The following FTCDNL1 variants were observed in gnomAD, a reference collection of about 807,000 sequenced individuals.
FTCDNL1 encodes formiminotransferase cyclodeaminase N-terminal like.
Under a neutral mutation model 5.9 loss-of-function variants are expected in FTCDNL1, and 11 were observed. That is an observed-to-expected ratio of 1.87 (90% CI 1.18 to 3.10). The LOEUF (loss-of-function observed/expected upper bound fraction) is 3.10. FTCDNL1 is among the 30% of genes most tolerant of loss of function. FTCDNL1 has a pLI of 0.00. For missense variants in FTCDNL1, 115 were observed against 65.5 expected (o/e 1.76, Z -2.61); for synonymous variants, 58 against 24.8 (o/e 2.34, Z -3.99).
At chr2:199,683,950 T>TGTAG in the FTCDNL1 span, among the ~76,000 whole-genome samples, 1 of 152,230 alleles carries the variant, frequency 6.6e-6, no homozygotes, top group Non-Finnish European at 1.5e-5. Context: ...TGTTCTCTCT[T>TGTAG]GTAGGTGCCC....
chr2:199,776,972 G>C (rs1366073393), intron 3 of FTCDNL1, among the ~76,000 whole-genome samples: 24 of 148,132 alleles, frequency 1.6e-4, no homozygotes, highest in African/African-American at 5.8e-4. Flanking sequence ...GTGTGTGTGT[G>C]TGTGTGTGTG....
intron 3 of FTCDNL1, among the ~76,000 whole-genome samples, chr2:199,767,037 A>G (rs571318332): frequency 2.6e-5 from 4 of 152,358 alleles, no homozygotes; most frequent in Non-Finnish European, 5.9e-5. Flanking sequence ...AATAGGATTT[A>G]ATAATAAAAA....
At chr2:199,821,924 T>C (rs1018168321) in intron 3 of FTCDNL1, among the ~76,000 whole-genome samples, 10 of 152,244 alleles carry the variant, frequency 6.6e-5, no homozygotes, top group East Asian at 5.8e-4. Context: ...CTCAGAGATA[T>C]TGTGGATTTG....
chr2:199,720,035 T>G, the FTCDNL1 span, among the ~76,000 whole-genome samples: 4 of 152,174 alleles, frequency 2.6e-5, no homozygotes, highest in Non-Finnish European at 5.9e-5. Flanking sequence ...ATAAATGCAA[T>G]TGCCTTCTTG....
At chr2:199,713,363 T>G in the FTCDNL1 span, among the ~76,000 whole-genome samples, 1 of 152,082 alleles carries the variant, frequency 6.6e-6, no homozygotes, top group Non-Finnish European at 1.5e-5. Context: ...CAATGATCCT[T>G]GAGAAATTGG....
chr2:199,693,442 A>G, the FTCDNL1 span, among the ~76,000 whole-genome samples: 2 of 152,220 alleles, frequency 1.3e-5, no homozygotes, highest in Non-Finnish European at 2.9e-5. Context: ...AAGGTTTTTC[A>G]TACTCTTTTA....
At chr2:199,733,220 T>G in the FTCDNL1 span, among the ~76,000 whole-genome samples, 1 of 152,260 alleles carries the variant, frequency 6.6e-6, no homozygotes, top group Non-Finnish European at 1.5e-5. Context: ...AAGAGGCCAA[T>G]CAGCAGGAAA....
At chr2:199,678,965 T>C in the FTCDNL1 span, among the ~76,000 whole-genome samples, 2 of 152,150 alleles carry the variant, frequency 1.3e-5, no homozygotes, top group Non-Finnish European at 2.9e-5. Flanking sequence ...AAACAATACA[T>C]TATGTTTTAA....
intron 4 of FTCDNL1, 100 bp downstream of exon 4, chr2:199,819,472 C>T: frequency 3.1e-6 from 2 of 655,230 alleles, no homozygotes; most frequent in Non-Finnish European, 5.4e-6. Flanking sequence ...AGCAGCCACC[C>T]CTATAACTCT....
At chr2:199,681,890 A>G in the FTCDNL1 span, among the ~76,000 whole-genome samples, 2 of 141,472 alleles carry the variant, frequency 1.4e-5, no homozygotes, top group Admixed American at 7.5e-5. Flanking sequence ...AAGTCTAACT[A>G]TGGACTGCTC....
At chr2:199,719,474 T>G in the FTCDNL1 span, among the ~76,000 whole-genome samples, 1 of 152,208 alleles carries the variant, frequency 6.6e-6, no homozygotes, top group East Asian at 1.9e-4. Context: ...CCTTAAACTT[T>G]GTTCTTTTTG....
At chr2:199,696,832 T>G in the FTCDNL1 span, among the ~76,000 whole-genome samples, 6 of 152,142 alleles carry the variant, frequency 3.9e-5, no homozygotes, top group Admixed American at 3.9e-4. Flanking sequence ...AGATGTAGAA[T>G]TCAGAATCTG....
chr2:199,812,448 A>C lies in FTCDNL1; in HGVS notation c.*257T>G, dbSNP rs1362036092. ...AATGCTGAATTTGATTTTTTATGTT[A>C]ATTTAAACCTACTAAGAAGGTATTT... On this transcript the variant is annotated 3_prime_UTR_variant, in exon 5 of 5. Transcript: ENST00000420128. 2.5e-6 allele frequency: 1 copy of C among 398,732 alleles called. No individual in the cohort carries two copies. Among genetic ancestry groups the C allele is most frequent in the Non-Finnish European group, 4.4e-6 (1 of 226,956 alleles). 24.7% of individuals were successfully genotyped at this position (398,732 alleles called of 1,614,324 possible).
chr2:199,673,121 A>T, the FTCDNL1 span, among the ~76,000 whole-genome samples: 1 of 152,052 alleles, frequency 6.6e-6, no homozygotes, highest in Non-Finnish European at 1.5e-5. Flanking sequence ...TGAGGCCAGG[A>T]GTTTGAGATC....
chr2:199,775,861 G>A (rs1171223574), intron 3 of FTCDNL1, among the ~76,000 whole-genome samples: 1 of 150,732 alleles, frequency 6.6e-6, no homozygotes, highest in Non-Finnish European at 1.5e-5. Flanking sequence ...ATCATGTCTA[G>A]TTTATAAAGA....
chr2:199,664,091 A>G, the FTCDNL1 span, among the ~76,000 whole-genome samples: 1 of 152,180 alleles, frequency 6.6e-6, no homozygotes, highest in African/African-American at 2.4e-5. Flanking sequence ...AGCATTAAAA[A>G]AAAAGTGTAA....
At chr2:199,773,876 G>A (rs1395744954) in intron 3 of FTCDNL1, among the ~76,000 whole-genome samples, 1 of 152,154 alleles carries the variant, frequency 6.6e-6, no homozygotes, top group African/African-American at 2.4e-5. Context: ...CATCATCCCT[G>A]TTGTAGTGAG....
the FTCDNL1 span, among the ~76,000 whole-genome samples, chr2:199,678,692 T>A: frequency 1.3e-5 from 2 of 152,050 alleles, no homozygotes; most frequent in Non-Finnish European, 2.9e-5. Flanking sequence ...CATACACATA[T>A]ACAAGAACAC....
At chr2:199,728,182 A>T in the FTCDNL1 span, among the ~76,000 whole-genome samples, 1 of 152,154 alleles carries the variant, frequency 6.6e-6, no homozygotes, top group African/African-American at 2.4e-5. Flanking sequence ...CTTACAATCT[A>T]TTAGAAAGAG....
Sources: gnomAD v4.1 joint callset for allele counts (sites outside exome capture counted in the v4.1 genomes callset) on GRCh38, gnomAD v4.1.1 for gene constraint, MANE v1.5 for transcripts, NCBI Gene and HGNC (gene_info 2026-07-23, HGNC 2026-07-21) for gene names.